Variants in TRPM3 observed in about 807,000 individuals in gnomAD.
The protein encoded by TRPM3 is transient receptor potential cation channel subfamily M member 3.
A neutral mutation model predicts 181.2 loss-of-function variants in TRPM3; 77 were observed. The observed-to-expected ratio is 0.42, with a 90% CI of 0.35 to 0.51. The LOEUF is 0.51. Ranked by LOEUF, TRPM3 falls within the 20% of genes least tolerant of loss-of-function variation. The pLI is 0.01. For missense variants in TRPM3, 1,759 were observed against 2,196.7 expected (o/e 0.80, Z 3.98); for synonymous variants, 745 against 796.4 (o/e 0.94, Z 1.09).
chr9:70,552,791 G>A, intron 24 of TRPM3, 53 bp downstream of exon 24: 1 of 1,588,844 alleles, frequency 6.3e-7, no homozygotes, highest in East Asian at 2.2e-5. Flanking sequence ...TTGCCTATAG[G>A]AAGTGGTAGG....
At chr9:71,043,161 G>A (rs2059025208) in intron 1 of TRPM3, among the ~76,000 whole-genome samples, 1 of 152,256 alleles carries the variant, frequency 6.6e-6, no homozygotes, top group East Asian at 1.9e-4. Flanking sequence ...CATTTTTGAG[G>A]CTAAAAGGCT....
intron 20 of TRPM3, among the ~76,000 whole-genome samples, chr9:70,601,992 A>G (rs1195488749): frequency 6.6e-6 from 1 of 151,820 alleles, no homozygotes; most frequent in Non-Finnish European, 1.5e-5. Flanking sequence ...AAGCAAATTT[A>G]TTACTGTTTT....
chr9:71,364,903 A>G (rs746295328), intron 1 of TRPM3, among the ~76,000 whole-genome samples: 10 of 152,164 alleles, frequency 6.6e-5, no homozygotes, highest in Non-Finnish European at 1.3e-4. Flanking sequence ...AAGCATTTGC[A>G]TGGGGTAAGG....
intron 25 of TRPM3, among the ~76,000 whole-genome samples, chr9:70,540,424 G>A (rs1313221887): frequency 6.6e-6 from 1 of 152,172 alleles, no homozygotes; most frequent in Non-Finnish European, 1.5e-5. Context: ...CCTTGCCATG[G>A]CCTGTGCTGT....
chr9:71,222,077 C>T (rs1369397592), intron 1 of TRPM3, among the ~76,000 whole-genome samples: 1 of 152,214 alleles, frequency 6.6e-6, no homozygotes, highest in Non-Finnish European at 1.5e-5. Flanking sequence ...ATACCTCCCA[C>T]AGGTTTTGCC....
At chr9:71,006,924 T>C (rs914510921) in intron 1 of TRPM3, among the ~76,000 whole-genome samples, 4 of 140,802 alleles carry the variant, frequency 2.8e-5, no homozygotes, top group African/African-American at 8.0e-5. Context: ...CTGTAATCCA[T>C]GCTACTCAGG....
intron 1 of TRPM3, among the ~76,000 whole-genome samples, chr9:71,227,301 A>G (rs1388723456): frequency 2.0e-5 from 3 of 151,976 alleles, no homozygotes; most frequent in Admixed American, 1.3e-4. Flanking sequence ...CTCTTGAAAC[A>G]AATGATAAAG....
intron 1 of TRPM3, among the ~76,000 whole-genome samples, chr9:71,268,212 C>T (rs1259155585): frequency 6.6e-6 from 1 of 151,694 alleles, no homozygotes; most frequent in African/African-American, 2.4e-5. Context: ...GAAACAATGC[C>T]CTACTAAAAA....
intron 1 of TRPM3, among the ~76,000 whole-genome samples, chr9:71,213,398 C>G (rs2079636277): frequency 6.6e-6 from 1 of 152,106 alleles, no homozygotes. Flanking sequence ...AAAGCTTGAA[C>G]TAAACATTTG....
intron 6 of TRPM3, among the ~76,000 whole-genome samples, chr9:70,791,124 G>A (rs530439316): frequency 6.6e-6 from 1 of 152,276 alleles, no homozygotes; most frequent in African/African-American, 2.4e-5. Flanking sequence ...ACTGGAATGT[G>A]TCTGACCTTA....
At chr9:70,570,977 A>AT (rs1025764976) in intron 22 of TRPM3, among the ~76,000 whole-genome samples, 1 of 152,126 alleles carries the variant, frequency 6.6e-6, no homozygotes. Flanking sequence ...AATGAGGTAC[A>AT]TTTTCTATTC....
In TRPM3 at chr9:70,801,316, G is replaced by A. The variant is rs141170765; in HGVS notation, c.974-17037C>T. ...TGGCTTAAAAGGGCCAAGGCTCACCGTTGCCCCTCCCTGGTTTCCTGGGAT... is the reference window on the plus strand; with the variant it reads ...TGGCTTAAAAGGGCCAAGGCTCACCATTGCCCCTCCCTGGTTTCCTGGGAT... On this transcript the variant is annotated intron_variant, in intron 6 of 25. Coordinates refer to ENST00000677713, the MANE Select transcript of TRPM3 (RefSeq NM_001366145.2). Among the ~76,000 whole-genome samples, 591 of 152,260 alleles carry A rather than the reference G, an allele frequency of 3.9e-3. 8 individuals carry two copies. In the South Asian group the frequency reaches 0.045, roughly 12 times the overall value.
At chr9:71,305,450 TG>T (rs2087197605) in intron 1 of TRPM3, among the ~76,000 whole-genome samples, 1 of 152,142 alleles carries the variant, frequency 6.6e-6, no homozygotes, top group Non-Finnish European at 1.5e-5. Context: ...AGCTTGCTGA[TG>T]GCAGCTGCTG....
intron 1 of TRPM3, among the ~76,000 whole-genome samples, chr9:71,271,632 A>G (rs2083798955): frequency 1.3e-5 from 2 of 152,018 alleles, no homozygotes; most frequent in Admixed American, 1.3e-4. Flanking sequence ...GAAGAAGAAA[A>G]AAAAAAAGCC....
chr9:70,744,026 C>T, intron 8 of TRPM3, among the ~76,000 whole-genome samples: 1 of 151,944 alleles, frequency 6.6e-6, no homozygotes. Context: ...TGAGGCTTGG[C>T]TAGTGGGATT....
chr9:70,665,250 A>G (rs983291434), intron 9 of TRPM3, among the ~76,000 whole-genome samples: 12 of 151,684 alleles, frequency 7.9e-5, no homozygotes, highest in Admixed American at 7.9e-4. Flanking sequence ...GTAAGATCTC[A>G]CTCACTCTGA....
At chr9:71,128,626 A>G (rs1375102117) in intron 1 of TRPM3, among the ~76,000 whole-genome samples, 1 of 152,218 alleles carries the variant, frequency 6.6e-6, no homozygotes, top group Non-Finnish European at 1.5e-5. Flanking sequence ...ACACACCCAC[A>G]CACAGAATGT....
chr9:71,128,743 C>T (rs2074202255), intron 1 of TRPM3, among the ~76,000 whole-genome samples: 2 of 152,312 alleles, frequency 1.3e-5, no homozygotes, highest in South Asian at 2.1e-4. Flanking sequence ...CAGTGAATCT[C>T]CAATTACTGC....
At chr9:71,349,526 T>C (rs1244737281) in intron 1 of TRPM3, among the ~76,000 whole-genome samples, 1 of 152,192 alleles carries the variant, frequency 6.6e-6, no homozygotes, top group Non-Finnish European at 1.5e-5. Context: ...TAAATGGAGA[T>C]TGAATTTAGG....
Sources: allele counts gnomAD v4.1 joint callset (sites outside exome capture counted in the v4.1 genomes callset), GRCh38; gene constraint gnomAD v4.1.1; transcripts MANE v1.5; gene names NCBI Gene and HGNC (gene_info 2026-07-23, HGNC 2026-07-21).